KCNQ1OT1: variants seen among roughly 807,000 people sequenced by gnomAD.
KCNQ1OT1 encodes KCNQ1 antisense RNA 2 (non-protein coding).
Position 2,677,865 on chromosome 11 carries a change from T to C in KCNQ1OT1, n.22130A>G. On this transcript the variant is annotated non_coding_transcript_exon_variant, in exon 1 of 1. Coordinates refer to ENST00000597346, the Ensembl canonical transcript of KCNQ1OT1. The surrounding 1 kb of genome is among the most constrained non-coding windows in gnomAD (Gnocchi z 4.5). ...GCTGTACCATTTACATCACTTTGAC[T>C]GCACAAATGCACTTTCTTCCCCCAC... is the stretch of plus-strand genomic sequence containing the variant. The C allele has an allele frequency of 2.5e-6, 1 of 398,542 alleles. No homozygotes were observed. The highest frequency in any genetic ancestry group is 4.4e-6 in the Non-Finnish European group (1 of 226,026). The allele number at this position is 398,542 out of a possible 1,614,324, so 24.7% of individuals were successfully genotyped here.
exon 1 of KCNQ1OT1, chr11:2,666,226 G>A (rs934642769): frequency 2.3e-5 from 9 of 398,458 alleles, no homozygotes; most frequent in Admixed American, 8.8e-5. Context: ...GGGAGCACCC[G>A]GCCCATTGAG....
chr11:2,663,622 T>A lies in KCNQ1OT1; in HGVS notation n.36373A>T, dbSNP rs1477991188. 2.5e-6 allele frequency: 1 copy of A among 398,558 alleles called. No individual in the cohort carries two copies. Among genetic ancestry groups the A allele is most frequent in the Non-Finnish European group, 4.4e-6 (1 of 226,114 alleles). The allele number at this position is 398,558 out of a possible 1,614,324, so 24.7% of individuals were successfully genotyped here. On this transcript the variant is annotated non_coding_transcript_exon_variant, in exon 1 of 1. Coordinates refer to ENST00000597346, the Ensembl canonical transcript of KCNQ1OT1. The surrounding 1 kb of genome is among the most constrained non-coding windows in gnomAD (Gnocchi z 5.2). ...TGGTTCTCTTGGTCACGGACCAGCA[T>A]CCAGACATGCAAAAAGTCCTACTGG... is the stretch of plus-strand genomic sequence containing the variant.
Position 2,647,218 on chromosome 11 carries a change from T to G in KCNQ1OT1, n.52777A>C. ...AATTTTATCAGATGCTTTTTCTGCA[T>G]CTATTGAGATGATCATGTATTTTTT... On this transcript the variant is annotated non_coding_transcript_exon_variant, in exon 1 of 1. Transcript: ENST00000597346. The surrounding 1 kb of genome is among the most constrained non-coding windows in gnomAD (Gnocchi z 4.0). 2.5e-6 allele frequency: 1 copy of G among 398,538 alleles called. No individual in the cohort carries two copies. The highest frequency in any genetic ancestry group is 4.4e-6 in the Non-Finnish European group (1 of 226,034). 24.7% of individuals were successfully genotyped at this position (398,538 alleles called of 1,614,324 possible). A position where few individuals can be genotyped will look rare whatever the true frequency, so the allele number is the denominator to read the frequency against.
At chr11:2,672,494 G>A in exon 1 of KCNQ1OT1, 1 of 398,674 alleles carries the variant, frequency 2.5e-6, no homozygotes. Context: ...CCATGGCAGT[G>A]CCTAGGAGCT....
At chr11:2,618,470 A>G (rs994107872) in exon 1 of KCNQ1OT1, 1 of 398,528 alleles carries the variant, frequency 2.5e-6, no homozygotes, top group African/African-American at 2.1e-5. Flanking sequence ...ATCTTTCTGC[A>G]TTGTTTTCTT....
In KCNQ1OT1 at chr11:2,672,235, C is replaced by A. The variant is rs184530872; in HGVS notation, n.27760G>T. ...TGAATTCCTTCCAGTCCAAAATACT[C>A]AAATGCTTTTTTCTGCTTTTCTTTT... On this transcript the variant is annotated non_coding_transcript_exon_variant, in exon 1 of 1. Transcript: ENST00000597346. The A allele has an allele frequency of 2.6e-4, 105 of 398,660 alleles. No homozygotes were observed. The Admixed American group carries it at 2.9e-3, about 11-fold the overall frequency. 24.7% of individuals were successfully genotyped at this position (398,660 alleles called of 1,614,324 possible). A position where few individuals can be genotyped will look rare whatever the true frequency, so the allele number is the denominator to read the frequency against.
At chr11:2,666,826 T>G (rs1850079763) in exon 1 of KCNQ1OT1, 3 of 398,608 alleles carry the variant, frequency 7.5e-6, no homozygotes, top group Admixed American at 4.4e-5. Flanking sequence ...AGAAAGGACA[T>G]TCTGGGAACC....
rs1849181421 is a variant in KCNQ1OT1 at position 2,621,996 on chromosome 11, C to T, written n.77999G>A. ...AATATCTCTTCTTTTTTAATGTAGG[C>T]AAGGCATTTATTGCTGTAAACTTCC... On this transcript the variant is annotated non_coding_transcript_exon_variant, in exon 1 of 1. Transcript: ENST00000597346. This position sits in a 1 kb window ranked among gnomAD's most constrained non-coding sequence, Gnocchi z 5.7. 2.5e-6 allele frequency: 1 copy of T among 398,142 alleles called. No individual in the cohort carries two copies. Among genetic ancestry groups the T allele is most frequent in the Non-Finnish European group, 4.4e-6 (1 of 225,940 alleles). 24.7% of individuals were successfully genotyped at this position (398,142 alleles called of 1,614,324 possible).
At chr11:2,648,975 C>CT (rs1849710100) in exon 1 of KCNQ1OT1, 4 of 336,654 alleles carry the variant, frequency 1.2e-5, no homozygotes, top group African/African-American at 9.5e-5. Flanking sequence ...TCTCTTTTTT[C>CT]TTTTTCTTTT....
exon 1 of KCNQ1OT1, chr11:2,635,426 T>G (rs979212365): frequency 7.2e-5 from 11 of 152,248 alleles, no homozygotes; most frequent in Non-Finnish European, 1.0e-4. Flanking sequence ...CAGCACCATT[T>G]ATTAAATAGG....
rs144556955 is a variant in KCNQ1OT1, at chr11:2,625,954, G to T, written n.74041C>A. ...AATCTGGACATTAATCCCTTATCAG[G>T]TATGTGATTTGCAAATTTTTCTCCC... is the stretch of plus-strand genomic sequence containing the variant. On this transcript the variant is annotated non_coding_transcript_exon_variant, in exon 1 of 1. Transcript: ENST00000597346. The T allele has an allele frequency of 1.8e-5, 7 of 398,478 alleles. 1 individual carries two copies. The East Asian group carries it at 2.5e-4, about 14-fold the overall frequency. 24.7% of individuals were successfully genotyped at this position (398,478 alleles called of 1,614,324 possible). A position where few individuals can be genotyped will look rare whatever the true frequency, so the allele number is the denominator to read the frequency against.
At chr11:2,631,094 C>T (rs1849345303) in exon 1 of KCNQ1OT1, 1 of 398,390 alleles carries the variant, frequency 2.5e-6, no homozygotes, top group Admixed American at 4.4e-5. Flanking sequence ...ATTCTTTGAG[C>T]TTCATGTACC....
rs573698589 is a variant in KCNQ1OT1 at position 2,645,475 on chromosome 11, C to T, written n.54520G>A. ...AGGCACAGGAAGATCCCTGTATACC[C>T]TGCTGAATGCTCATGTTGGGGCAGC... On this transcript the variant is annotated non_coding_transcript_exon_variant, in exon 1 of 1. Transcript: ENST00000597346. This position sits in a 1 kb window ranked among gnomAD's most constrained non-coding sequence, Gnocchi z 5.8. 2.5e-6 allele frequency: 1 copy of T among 398,710 alleles called. No individual in the cohort carries two copies. The highest frequency in any genetic ancestry group is 4.4e-5 in the Admixed American group (1 of 22,734). 24.7% of individuals were successfully genotyped at this position (398,710 alleles called of 1,614,324 possible). A position where few individuals can be genotyped will look rare whatever the true frequency, so the allele number is the denominator to read the frequency against.
At chr11:2,655,234 C>T in exon 1 of KCNQ1OT1, 1 of 398,632 alleles carries the variant, frequency 2.5e-6, no homozygotes. Context: ...CCCGAGGCTG[C>T]CTTTGCCATC....
At position 2,668,586 on chromosome 11, in the gene KCNQ1OT1, C is replaced by T. The variant is rs746220878; in HGVS notation, n.31409G>A. On this transcript the variant is annotated non_coding_transcript_exon_variant, in exon 1 of 1. Transcript: ENST00000597346. This position sits in a 1 kb window ranked among gnomAD's most constrained non-coding sequence, Gnocchi z 4.3. ...TTCCATGTTATCATTTAGTCAGATA[C>T]ATCATTCTGTATAAATTGCCTACAT... 1.8e-5 allele frequency: 7 copies of T among 398,458 alleles called. No homozygotes were observed. Among genetic ancestry groups the T allele is most frequent in the Non-Finnish European group, 3.1e-5 (7 of 226,070 alleles). 24.7% of individuals were successfully genotyped at this position (398,458 alleles called of 1,614,324 possible).
chr11:2,688,267 T>A (rs1175861030), exon 1 of KCNQ1OT1: 1 of 398,720 alleles, frequency 2.5e-6, no homozygotes, highest in East Asian at 3.6e-5. Context: ...GGAGGCGCCA[T>A]GACCTCTGTT....
chr11:2,688,282 C>T (rs1850526603), exon 1 of KCNQ1OT1: 2 of 398,766 alleles, frequency 5.0e-6, no homozygotes, highest in Admixed American at 4.4e-5. Context: ...TCTGTTTAGA[C>T]AAGGAAAATG....
At position 2,621,429 on chromosome 11, in the gene KCNQ1OT1, T is replaced by A; in HGVS notation, n.78566A>T. 2.5e-6 allele frequency: 1 copy of A among 398,656 alleles called. No homozygotes were observed. The highest frequency in any genetic ancestry group is 4.4e-6 in the Non-Finnish European group (1 of 226,070). The allele number at this position is 398,656 out of a possible 1,614,324, so 24.7% of individuals were successfully genotyped here. On this transcript the variant is annotated non_coding_transcript_exon_variant, in exon 1 of 1. Coordinates refer to ENST00000597346, the Ensembl canonical transcript of KCNQ1OT1. This position sits in a 1 kb window ranked among gnomAD's most constrained non-coding sequence, Gnocchi z 5.7. ...CTTGTTGATTGGTTTAAGTTCCTTA[T>A]GGATTCTGGACATAGGACCTTTGCC...
In KCNQ1OT1 at chr11:2,687,124, C is replaced by CAGGGAGGGGAGGAATCTG. The variant is rs1233233425; in HGVS notation, n.12853_12870dup. 3.3e-5 allele frequency: 13 copies of CAGGGAGGGGAGGAATCTG among 398,652 alleles called. No homozygotes were observed. The highest frequency in any genetic ancestry group is 1.8e-4 in the African/African-American group (9 of 48,760). 24.7% of individuals were successfully genotyped at this position (398,652 alleles called of 1,614,324 possible). ...AGTACACCTTGACACACAAACTGCA[C>CAGGGAGGGGAGGAATCTG]AGGGAGGGGAGGAATCTGAGCCAGC... On this transcript the variant is annotated non_coding_transcript_exon_variant, in exon 1 of 1. Transcript: ENST00000597346. The surrounding 1 kb of genome is among the most constrained non-coding windows in gnomAD (Gnocchi z 5.0).
Sources: gnomAD v4.1 joint callset for allele counts on GRCh38, gnomAD v4.1.1 for gene constraint, Gnocchi (gnomAD v3.1) non-coding constraint, MANE v1.5 for transcripts, NCBI Gene and HGNC (gene_info 2026-07-23, HGNC 2026-07-21) for gene names.